The following RAI14 variants were observed in gnomAD, a reference collection of about 807,000 sequenced individuals.
The protein encoded by RAI14 is retinoic acid induced 14, also known as ankycorbin.
Under a neutral mutation model 115.4 loss-of-function variants are expected in RAI14, and 45 were observed. That is an observed-to-expected ratio of 0.39 (90% CI 0.31 to 0.50). The LOEUF (loss-of-function observed/expected upper bound fraction) is 0.50. Among genes scored for constraint, RAI14 ranks in the 20% least tolerant of loss-of-function variants. The probability of loss-of-function intolerance (pLI) is 0.85; values close to 1 mark genes in which losing one functional copy is unlikely to be tolerated. For synonymous variants in RAI14, 371 were observed against 415.4 expected, an observed-to-expected ratio of 0.89 and a Z score of 1.30; for missense variants, 939 against 1,131.2, an observed-to-expected ratio of 0.83 and a Z score of 2.44.
chr5:34,707,582 TGTAAGA>T (rs1740860230), intron 2 of RAI14, among the ~76,000 whole-genome samples: 2 of 152,248 alleles, frequency 1.3e-5, no homozygotes, highest in African/African-American at 4.8e-5. Context: ...TAATTGCTTC[TGTAAGA>T]GAGTACAAAA....
At chr5:34,775,066 T>C (rs977874042) in intron 3 of RAI14, among the ~76,000 whole-genome samples, 1 of 152,230 alleles carries the variant, frequency 6.6e-6, no homozygotes, top group Admixed American at 6.5e-5. Flanking sequence ...GATCTCCATA[T>C]ATAGAAGAAT....
chr5:34,665,435 A>T (rs980405167), intron 1 of RAI14, among the ~76,000 whole-genome samples: 2 of 150,596 alleles, frequency 1.3e-5, no homozygotes, highest in African/African-American at 4.9e-5. Flanking sequence ...ATAAAAGGCC[A>T]GAGAAGCCTC....
At chr5:34,678,098 TG>T (rs1282333985) in intron 1 of RAI14, among the ~76,000 whole-genome samples, 15 of 127,636 alleles carry the variant, frequency 1.2e-4, no homozygotes, top group South Asian at 3.4e-4. Context: ...AATTTTGTTT[TG>T]TTTTGTTTTT....
intron 3 of RAI14, among the ~76,000 whole-genome samples, chr5:34,761,186 T>C (rs1748603536): frequency 6.6e-6 from 1 of 152,152 alleles, no homozygotes; most frequent in South Asian, 2.1e-4. Context: ...TGAATTTACC[T>C]TTTTGTGTGC....
Position 34,831,336 on chromosome 5 carries a change from TC to T in RAI14, c.*572del, listed in dbSNP as rs1758003987. 1 of 152,768 alleles carries T rather than the reference TC, an allele frequency of 6.5e-6. No homozygotes were observed. Among genetic ancestry groups the T allele is most frequent in the Admixed American group, 6.5e-5 (1 of 15,294 alleles). 9.5% of individuals were successfully genotyped at this position (152,768 alleles called of 1,614,324 possible). Reference sequence around the variant, plus strand: ...CTTCCCATCTGCCTTATATATCTCATCACCCTGCTTATCAATATTCAGTTTG... The same window carrying T: ...CTTCCCATCTGCCTTATATATCTCATACCCTGCTTATCAATATTCAGTTTG... On this transcript the variant is annotated 3_prime_UTR_variant, in exon 18 of 18. Coordinates refer to ENST00000265109, the MANE Select transcript of RAI14 (RefSeq NM_015577.3).
intron 11 of RAI14, among the ~76,000 whole-genome samples, chr5:34,813,864 A>G (rs532886407): frequency 6.6e-6 from 1 of 152,260 alleles, no homozygotes; most frequent in Non-Finnish European, 1.5e-5. Flanking sequence ...ATCTATTTTT[A>G]AAAAAACAGT....
chr5:34,663,997 A>T (rs1233412677), intron 1 of RAI14, among the ~76,000 whole-genome samples: 2 of 152,160 alleles, frequency 1.3e-5, no homozygotes, highest in Admixed American at 6.5e-5. Flanking sequence ...GTCTTGCCGT[A>T]TAATTCCATG....
At chr5:34,737,536 C>T (rs544641021) in intron 2 of RAI14, among the ~76,000 whole-genome samples, 6 of 151,732 alleles carry the variant, frequency 4.0e-5, no homozygotes, top group Non-Finnish European at 7.4e-5. Flanking sequence ...AGATGAGGAT[C>T]GCTTGAGCTT....
At chr5:34,779,736 A>G (rs1331410082) in intron 3 of RAI14, among the ~76,000 whole-genome samples, 1 of 152,224 alleles carries the variant, frequency 6.6e-6, no homozygotes, top group Non-Finnish European at 1.5e-5. Flanking sequence ...AAACAAATGG[A>G]AGAACGTTCC....
At chr5:34,821,233 G>A (rs1050324990) in intron 13 of RAI14, among the ~76,000 whole-genome samples, 4 of 152,202 alleles carry the variant, frequency 2.6e-5, no homozygotes, top group South Asian at 2.1e-4. Flanking sequence ...CTGGTCTGAC[G>A]TTGCTGTGCA....
intron 3 of RAI14, among the ~76,000 whole-genome samples, chr5:34,786,902 CA>C (rs1325035487): frequency 6.6e-6 from 1 of 152,190 alleles, no homozygotes; most frequent in African/African-American, 2.4e-5. Context: ...TATTTATTGA[CA>C]GCAAGCTAGT....
chr5:34,690,393 A>G (rs910003114), intron 2 of RAI14, among the ~76,000 whole-genome samples: 10 of 152,236 alleles, frequency 6.6e-5, no homozygotes, highest in African/African-American at 2.4e-4. Flanking sequence ...CATAAAGAAG[A>G]CAGGTGACCC....
At chr5:34,809,398 G>A (rs761162273) in intron 7 of RAI14, among the ~76,000 whole-genome samples, 16 of 152,164 alleles carry the variant, frequency 1.1e-4, no homozygotes, top group Non-Finnish European at 2.1e-4. Context: ...TATGTGTGAT[G>A]TTAATATCGT....
intron 2 of RAI14, among the ~76,000 whole-genome samples, chr5:34,691,786 A>C (rs1381570586): frequency 6.6e-6 from 1 of 152,282 alleles, no homozygotes; most frequent in Non-Finnish European, 1.5e-5. Context: ...ACATTCCATT[A>C]AAAAAATCAA....
In RAI14 at chr5:34,724,652, GA is replaced by G. The variant is rs1056947402; in HGVS notation, c.37-32810del. 4.3e-4 allele frequency among the ~76,000 whole-genome samples: 66 copies of G among 152,098 alleles called. 1 individual carries two copies. The highest frequency in any genetic ancestry group is 1.4e-3 in the African/African-American group (59 of 41,506). On this transcript the variant is annotated intron_variant, in intron 2 of 17. Coordinates refer to ENST00000265109, the MANE Select transcript of RAI14 (RefSeq NM_015577.3). Reference sequence around the variant, plus strand: ...AAGGACAGAACTGAAGTTCAAATAGGAAAAAAGGATGCTGCTTCAAGGATCA... The same window carrying G: ...AAGGACAGAACTGAAGTTCAAATAGGAAAAAGGATGCTGCTTCAAGGATCA...
chr5:34,797,806 CT>C (rs1753718633), intron 4 of RAI14, among the ~76,000 whole-genome samples: 3 of 152,182 alleles, frequency 2.0e-5, no homozygotes. Context: ...TAAAATACCC[CT>C]AATGAGATGT....
At chr5:34,803,624 T>C in intron 4 of RAI14, 88 bp from the exon 5 acceptor site, 9 of 1,093,136 alleles carry the variant, frequency 8.2e-6, no homozygotes, top group South Asian at 2.9e-5. Flanking sequence ...CCTATTTCCT[T>C]ATAGCTGTCT....
intron 2 of RAI14, chr5:34,688,294 T>C (rs775623217): frequency 2.0e-6 from 3 of 1,486,306 alleles, no homozygotes; most frequent in South Asian, 1.2e-5. Flanking sequence ...TAGGGGTTTC[T>C]AAATTTTGTG....
chr5:34,758,792 A>G (rs1748234321), intron 3 of RAI14, among the ~76,000 whole-genome samples: 1 of 152,210 alleles, frequency 6.6e-6, no homozygotes, highest in African/African-American at 2.4e-5. Context: ...CTCCCACACT[A>G]CAAAGGCAGA....
Sources: gnomAD v4.1 joint callset for allele counts (sites outside exome capture counted in the v4.1 genomes callset) on GRCh38, gnomAD v4.1.1 for gene constraint, MANE v1.5 for transcripts, NCBI Gene and HGNC (gene_info 2026-07-23, HGNC 2026-07-21) for gene names.